The following MACROD2 variants were observed in gnomAD, a reference collection of about 807,000 sequenced individuals.
MACROD2 encodes mono-ADP ribosylhydrolase 2.
MACROD2 carries 36 observed loss-of-function variants against 70.4 expected under a neutral mutation model. The ratio of observed to expected loss-of-function variants is 0.51; its 90% CI spans 0.39 to 0.68. MACROD2 has a LOEUF of 0.68. MACROD2 is among the 30% of genes least tolerant of loss of function. The probability of loss-of-function intolerance (pLI) is 0.00; values close to 1 mark genes in which losing one functional copy is unlikely to be tolerated. For synonymous variants in MACROD2, 172 were observed against 178.8 expected (o/e 0.96, Z 0.30); for missense variants, 496 against 538.4 (o/e 0.92, Z 0.78).
At chr20:15,876,348 G>T (rs552232881) in intron 9 of MACROD2, among the ~76,000 whole-genome samples, 2 of 151,992 alleles carry the variant, frequency 1.3e-5, no homozygotes, top group Admixed American at 1.3e-4. Context: ...CCACCTATGA[G>T]TGAGAATATG....
intron 3 of MACROD2, among the ~76,000 whole-genome samples, chr20:14,356,475 C>T (rs1327230613): frequency 4.0e-5 from 6 of 150,428 alleles, no homozygotes; most frequent in Non-Finnish European, 5.9e-5. Context: ...GATGGCTCAC[C>T]TGGGGGCTGG....
chr20:14,747,445 G>T (rs2071813831), intron 5 of MACROD2, among the ~76,000 whole-genome samples: 1 of 152,082 alleles, frequency 6.6e-6, no homozygotes, highest in African/African-American at 2.4e-5. Flanking sequence ...TTGACAACTA[G>T]GTGACTGGGT....
At chr20:14,551,766 G>A (rs1978666443) in intron 4 of MACROD2, among the ~76,000 whole-genome samples, 1 of 152,062 alleles carries the variant, frequency 6.6e-6, no homozygotes, top group Non-Finnish European at 1.5e-5. Context: ...AAGATAAAAA[G>A]GCAACTTAAT....
At chr20:15,008,002 T>A (rs891527643) in intron 5 of MACROD2, among the ~76,000 whole-genome samples, 6 of 152,220 alleles carry the variant, frequency 3.9e-5, no homozygotes, top group African/African-American at 1.4e-4. Flanking sequence ...GAAAGCACAG[T>A]AGAAGAGGTG....
At chr20:14,389,205 T>A (rs1159408488) in intron 3 of MACROD2, among the ~76,000 whole-genome samples, 2 of 151,742 alleles carry the variant, frequency 1.3e-5, no homozygotes, top group Non-Finnish European at 1.5e-5. Context: ...TTATTATTAT[T>A]TTTTTAAAGA....
chr20:15,824,578 G>A (rs549418850), intron 8 of MACROD2, among the ~76,000 whole-genome samples: 1 of 152,292 alleles, frequency 6.6e-6, no homozygotes, highest in South Asian at 2.1e-4. Flanking sequence ...TCATGACATA[G>A]TGATGCTAGA....
chr20:15,324,463 C>A (rs1045575361), intron 6 of MACROD2, among the ~76,000 whole-genome samples: 1 of 152,122 alleles, frequency 6.6e-6, no homozygotes, highest in Non-Finnish European at 1.5e-5. Context: ...GCAGCTAACG[C>A]CTGTTTTGTA....
At chr20:14,129,031 A>T (rs2054686605) in intron 3 of MACROD2, among the ~76,000 whole-genome samples, 2 of 152,250 alleles carry the variant, frequency 1.3e-5, no homozygotes, top group South Asian at 4.1e-4. Context: ...TCTTCAGCCC[A>T]TGCACCAAGG....
chr20:15,331,293 G>A (rs1340755452), intron 6 of MACROD2, among the ~76,000 whole-genome samples: 5 of 151,668 alleles, frequency 3.3e-5, no homozygotes, highest in South Asian at 2.1e-4. Context: ...ATATTTGTTC[G>A]TTATAGATTT....
chr20:14,513,522 A>G (rs2085053495), intron 4 of MACROD2, among the ~76,000 whole-genome samples: 1 of 152,066 alleles, frequency 6.6e-6, no homozygotes, highest in Admixed American at 6.6e-5. Flanking sequence ...TGCTTTACAC[A>G]CTGATGAAAA....
chr20:15,506,249 C>G (rs2047424655), intron 8 of MACROD2, among the ~76,000 whole-genome samples: 1 of 152,198 alleles, frequency 6.6e-6, no homozygotes, highest in Non-Finnish European at 1.5e-5. Flanking sequence ...AGCAGTTAGC[C>G]TTGTCACCCT....
chr20:15,922,279 A>C (rs1288872988), intron 10 of MACROD2, among the ~76,000 whole-genome samples: 2 of 152,358 alleles, frequency 1.3e-5, no homozygotes, highest in African/African-American at 4.8e-5. Context: ...TGAGTTACAA[A>C]TGCATATGTT....
intron 3 of MACROD2, among the ~76,000 whole-genome samples, chr20:14,134,437 C>T (rs2054762698): frequency 6.6e-6 from 1 of 152,184 alleles, no homozygotes; most frequent in Non-Finnish European, 1.5e-5. Context: ...GGTTTATCTT[C>T]ACTACCTACA....
chr20:15,393,041 G>A (rs1348620207), intron 6 of MACROD2, among the ~76,000 whole-genome samples: 1 of 151,806 alleles, frequency 6.6e-6, no homozygotes, highest in East Asian at 1.9e-4. Context: ...ATGTCCGCAC[G>A]CCTCCACTCT....
intron 3 of MACROD2, among the ~76,000 whole-genome samples, chr20:14,271,108 A>G (rs1361153220): frequency 6.6e-6 from 1 of 152,214 alleles, no homozygotes; most frequent in Non-Finnish European, 1.5e-5. Context: ...GCAGACTTAC[A>G]TGTCCCTGTC....
intron 15 of MACROD2, among the ~76,000 whole-genome samples, chr20:16,008,440 C>T (rs1235602728): frequency 6.6e-6 from 1 of 152,222 alleles, no homozygotes; most frequent in Non-Finnish European, 1.5e-5. Context: ...GCTTCAGCCC[C>T]TGGCAACTCA....
intron 8 of MACROD2, among the ~76,000 whole-genome samples, chr20:15,658,031 T>G (rs1017832554): frequency 3.9e-5 from 6 of 152,248 alleles, no homozygotes; most frequent in Non-Finnish European, 7.4e-5. Context: ...TACCCTCAGA[T>G]AGTCAAGAGC....
At chr20:14,857,231 G>T (rs2122339062) in intron 5 of MACROD2, among the ~76,000 whole-genome samples, 1 of 152,216 alleles carries the variant, frequency 6.6e-6, no homozygotes, top group South Asian at 2.1e-4. Flanking sequence ...TCCAAATTCT[G>T]CACATGCAGT....
At chr20:16,020,673 A>G (rs6135642) in intron 15 of MACROD2, among the ~76,000 whole-genome samples, 22,337 of 150,578 alleles carry the variant, frequency 0.15, 1,766 homozygotes, top group African/African-American at 0.17. Context: ...ATTTATTATT[A>G]ACGAATTCAC....
Sources: allele counts gnomAD v4.1 joint callset (sites outside exome capture counted in the v4.1 genomes callset), GRCh38; gene constraint gnomAD v4.1.1; transcripts MANE v1.5; gene names NCBI Gene and HGNC (gene_info 2026-07-23, HGNC 2026-07-21).